Variants in CMKLR1 observed in about 807,000 individuals in gnomAD.
The protein encoded by CMKLR1 is chemerin chemokine-like receptor 1, also known as chemerin-like receptor 1.
In CMKLR1, 6 loss-of-function variants were observed where a neutral mutation model predicts 8.2. The ratio of observed to expected loss-of-function variants is 0.73; its 90% CI spans 0.40 to 1.44. The LOEUF (loss-of-function observed/expected upper bound fraction) is 1.44, where lower values mean the gene tolerates loss of function less well. CMKLR1 is among the 40% of genes most tolerant of loss of function. CMKLR1 has a pLI of 0.02. For synonymous variants in CMKLR1, 178 were observed against 181.2 expected, an observed-to-expected ratio of 0.98 and a Z score of 0.14; for missense variants, 429 against 478.0, an observed-to-expected ratio of 0.90 and a Z score of 0.96.
At chr12:108,313,293 C>T (rs961061754) in intron 2 of CMKLR1, among the ~76,000 whole-genome samples, 1 of 136,686 alleles carries the variant, frequency 7.3e-6, no homozygotes, top group Non-Finnish European at 1.6e-5. Context: ...CCATGGAAAA[C>T]AAAAAGCTGC....
intron 2 of CMKLR1, among the ~76,000 whole-genome samples, chr12:108,306,921 T>A (rs566121519): frequency 6.6e-6 from 1 of 152,152 alleles, no homozygotes; most frequent in East Asian, 1.9e-4. Flanking sequence ...TTGATGGACA[T>A]CTGTCCTTCC....
chr12:108,294,566 T>C (rs1891080579), intron 2 of CMKLR1, among the ~76,000 whole-genome samples: 1 of 152,178 alleles, frequency 6.6e-6, no homozygotes, highest in Non-Finnish European at 1.5e-5. Flanking sequence ...TAAATGGGAT[T>C]TCTCACCTCA....
intron 2 of CMKLR1, among the ~76,000 whole-genome samples, chr12:108,294,009 A>C (rs781137344): frequency 6.6e-6 from 1 of 152,154 alleles, no homozygotes; most frequent in Non-Finnish European, 1.5e-5. Flanking sequence ...CCAGGTCGGG[A>C]CTCAACTCCA....
chr12:108,320,459 C>T, intron 2 of CMKLR1: 1 of 152,370 alleles, frequency 6.6e-6, no homozygotes, highest in Non-Finnish European at 1.5e-5. Flanking sequence ...AACATCCCAG[C>T]CCTCAGACTG....
At chr12:108,331,977 C>T (rs1892119190) in intron 1 of CMKLR1, among the ~76,000 whole-genome samples, 1 of 152,196 alleles carries the variant, frequency 6.6e-6, no homozygotes, top group South Asian at 2.1e-4. Context: ...ATAGCAGTAA[C>T]AGGAAACATA....
chr12:108,326,816 G>A (rs1344950880), intron 2 of CMKLR1, among the ~76,000 whole-genome samples: 1 of 152,122 alleles, frequency 6.6e-6, no homozygotes, highest in Non-Finnish European at 1.5e-5. Flanking sequence ...CAAGGGCCTC[G>A]CATGCACCCT....
At chr12:108,300,946 G>T (rs1008994314) in intron 2 of CMKLR1, among the ~76,000 whole-genome samples, 1 of 152,130 alleles carries the variant, frequency 6.6e-6, no homozygotes. Flanking sequence ...GACAGGGAGG[G>T]ACACAGAGGC....
intron 2 of CMKLR1, among the ~76,000 whole-genome samples, chr12:108,321,398 C>T (rs1448887451): frequency 2.6e-5 from 4 of 152,184 alleles, no homozygotes; most frequent in East Asian, 1.9e-4. Context: ...TACCACTGTA[C>T]TCCAGCCTGG....
At chr12:108,318,063 T>C (rs1891775315) in intron 2 of CMKLR1, 1 of 152,264 alleles carries the variant, frequency 6.6e-6, no homozygotes, top group African/African-American at 2.4e-5. Flanking sequence ...ATCTTATCCT[T>C]TTTGATAGCT....
chr12:108,288,722 G>A lies in CMKLR1; in HGVS notation c.*3119C>T, dbSNP rs914389877. ...GCTGGCTCAAGGGTCAGCTGGAGAT[G>A]GTTCTGAAATCAAATTCCTCCCACT... On this transcript the variant is annotated 3_prime_UTR_variant, in exon 4 of 4. Coordinates refer to ENST00000550402, the MANE Select transcript of CMKLR1 (RefSeq NM_001142343.2). 3.3e-5 allele frequency: 5 copies of A among 152,204 alleles called. No homozygotes were observed. The highest frequency in any genetic ancestry group is 1.2e-4 in the African/African-American group (5 of 41,424). The allele number at this position is 152,204 out of a possible 1,614,324, so 9.4% of individuals were successfully genotyped here.
At chr12:108,304,292 C>G (rs1891351173) in intron 2 of CMKLR1, among the ~76,000 whole-genome samples, 1 of 152,162 alleles carries the variant, frequency 6.6e-6, no homozygotes, top group South Asian at 2.1e-4. Flanking sequence ...GACTGGGATT[C>G]AAAACCCAAG....
intron 2 of CMKLR1, among the ~76,000 whole-genome samples, chr12:108,323,249 G>A (rs932897158): frequency 7.9e-5 from 12 of 152,156 alleles, no homozygotes; most frequent in African/African-American, 2.7e-4. Flanking sequence ...TAATACCCAC[G>A]AAAATAGGTG....
intron 2 of CMKLR1, among the ~76,000 whole-genome samples, chr12:108,309,978 CTGAG>C (rs772248592): frequency 5.3e-5 from 8 of 152,266 alleles, no homozygotes; most frequent in Admixed American, 2.6e-4. Context: ...CTGTTGGTCA[CTGAG>C]TGTGTGGCCC....
At chr12:108,327,265 G>A (rs1337261442) in intron 2 of CMKLR1, among the ~76,000 whole-genome samples, 1 of 152,190 alleles carries the variant, frequency 6.6e-6, no homozygotes. Flanking sequence ...ATCACTTGAA[G>A]CCAGGAGTTT....
chr12:108,296,810 G>A (rs1189144676), intron 2 of CMKLR1, among the ~76,000 whole-genome samples: 1 of 151,738 alleles, frequency 6.6e-6, no homozygotes, highest in East Asian at 1.9e-4. Flanking sequence ...GGACCACAGG[G>A]TGAGACTGTC....
At chr12:108,301,605 A>G (rs1386210217) in intron 2 of CMKLR1, among the ~76,000 whole-genome samples, 2 of 152,182 alleles carry the variant, frequency 1.3e-5, no homozygotes, top group Admixed American at 6.5e-5. Context: ...CTGACATCAT[A>G]ATTTATTAAG....
Position 108,321,468 on chromosome 12 carries a change from G to A in CMKLR1, c.-74+8527C>T, listed in dbSNP as rs535793424. Among the ~76,000 whole-genome samples, 8 of 152,042 alleles carry A rather than the reference G, an allele frequency of 5.3e-5. No individual in the cohort carries two copies. The East Asian group carries it at 1.2e-3, about 22-fold the overall frequency. ...TAATAAATAAATAATAAAAATTAAC[G>A]CAAAATATTGCATGATGAGCAAAAC... is the stretch of plus-strand genomic sequence containing the variant. On this transcript the variant is annotated intron_variant, in intron 2 of 3. Transcript: ENST00000550402.
chr12:108,316,875 G>A (rs1891748151), intron 2 of CMKLR1, among the ~76,000 whole-genome samples: 1 of 152,204 alleles, frequency 6.6e-6, no homozygotes, highest in Admixed American at 6.5e-5. Flanking sequence ...ACAGCTCACT[G>A]CAGCCTCAAC....
intron 2 of CMKLR1, among the ~76,000 whole-genome samples, chr12:108,313,131 A>C (rs1046876897): frequency 6.6e-6 from 1 of 151,874 alleles, no homozygotes; most frequent in East Asian, 1.9e-4. Flanking sequence ...ATGAGATCCC[A>C]CCCTGTTCCC....
Sources: gnomAD v4.1 joint callset for allele counts (sites outside exome capture counted in the v4.1 genomes callset) on GRCh38, gnomAD v4.1.1 for gene constraint, MANE v1.5 for transcripts, NCBI Gene and HGNC (gene_info 2026-07-23, HGNC 2026-07-21) for gene names.